Variants in TJP2 observed in about 807,000 individuals in gnomAD.
TJP2 encodes the protein Friedreich ataxia region gene X104 (tight junction protein ZO-2).
Under a neutral mutation model 133.1 loss-of-function variants are expected in TJP2, and 91 were observed. The observed-to-expected ratio is 0.68, with a 90% confidence interval of 0.58 to 0.81. The LOEUF (loss-of-function observed/expected upper bound fraction) is 0.81, where lower values mean the gene tolerates loss of function less well. Ranked by LOEUF, TJP2 falls within the 40% of genes least tolerant of loss-of-function variation. TJP2 has a pLI of 0.00. For synonymous variants in TJP2, 592 were observed against 583.4 expected, an observed-to-expected ratio of 1.01 and a Z score of -0.21; for missense variants, 1,541 against 1,565.6, an observed-to-expected ratio of 0.98 and a Z score of 0.26.
exon 2 of TJP2, chr9:69,151,733 A>G: frequency 8.1e-7 from 1 of 1,232,124 alleles, no homozygotes; most frequent in Non-Finnish European, 1.0e-6. Flanking sequence ...GTACTCCAGG[A>G]AGCACAGAGC....
At chr9:69,150,216 A>C (rs1303494351) in intron 1 of TJP2, among the ~76,000 whole-genome samples, 1 of 152,184 alleles carries the variant, frequency 6.6e-6, no homozygotes, top group African/African-American at 2.4e-5. Flanking sequence ...TTTGGTTTAA[A>C]ATGTTTTCTC....
chr9:69,205,703 G>A (rs1827346512), intron 1 of TJP2, among the ~76,000 whole-genome samples: 2 of 152,340 alleles, frequency 1.3e-5, no homozygotes, highest in South Asian at 2.1e-4. Context: ...TTGAACATGT[G>A]TGAGTGTTTA....
intron 1 of TJP2, among the ~76,000 whole-genome samples, chr9:69,122,488 T>G (rs1310732628): frequency 1.3e-5 from 2 of 152,100 alleles, no homozygotes; most frequent in African/African-American, 4.8e-5. Context: ...ACAAAAAAAT[T>G]TTCACTTTCT....
intron 1 of TJP2, chr9:69,145,581 T>C (rs905019753): frequency 3.9e-6 from 2 of 515,030 alleles, no homozygotes; most frequent in Non-Finnish European, 6.0e-6. Context: ...TTGTGTTTAA[T>C]AGATCTAGCT....
At chr9:69,121,819 G>C (rs1226745575) in intron 1 of TJP2, 3 of 152,464 alleles carry the variant, frequency 2.0e-5, no homozygotes, top group African/African-American at 4.8e-5. Context: ...GTGCCCAGGC[G>C]TCGCCGGGAT....
intron 3 of TJP2, 95 bp from the exon 4 acceptor site, chr9:69,218,162 C>T: frequency 9.6e-7 from 1 of 1,047,080 alleles, no homozygotes; most frequent in South Asian, 1.3e-5. Flanking sequence ...GAAAGCCTTT[C>T]AGGTCTATTT....
At chr9:69,147,552 G>A (rs923251269) in intron 1 of TJP2, among the ~76,000 whole-genome samples, 1 of 152,170 alleles carries the variant, frequency 6.6e-6, no homozygotes, top group Non-Finnish European at 1.5e-5. Context: ...GATGTTCTTA[G>A]TTTCTGCCTC....
chr9:69,178,245 TG>T, intron 1 of TJP2, among the ~76,000 whole-genome samples: 1 of 152,286 alleles, frequency 6.6e-6, no homozygotes, highest in Non-Finnish European at 1.5e-5. Flanking sequence ...GACTTACAGG[TG>T]GTGCAGAGAG....
At chr9:69,219,368 A>G (rs1165191027) in intron 4 of TJP2, among the ~76,000 whole-genome samples, 1 of 152,200 alleles carries the variant, frequency 6.6e-6, no homozygotes, top group Non-Finnish European at 1.5e-5. Flanking sequence ...ATCTTCTAAA[A>G]TATTACTATT....
intron 2 of TJP2, among the ~76,000 whole-genome samples, chr9:69,158,782 C>T (rs944334328): frequency 1.3e-5 from 2 of 152,080 alleles, no homozygotes; most frequent in Non-Finnish European, 2.9e-5. Flanking sequence ...TCCATTTCAT[C>T]TGATAAAATT....
rs1361535532 is a variant in TJP2 at position 69,248,063 on chromosome 9, A to G, written c.2719A>G (p.Met907Val). ...PEDRMSYLTA[M>V]GADYLSCDSR... Reference sequence around the variant, plus strand: ...AGACCGCATGTCCTACTTAACCGCCATGGGCGCGGACTATCTGAGTTGCGA... The same window carrying G: ...AGACCGCATGTCCTACTTAACCGCCGTGGGCGCGGACTATCTGAGTTGCGA... Residue 907 changes from methionine to valine, a missense_variant, in exon 19 of 23, where the codon ATG (methionine) becomes GTG (valine). Transcript: ENST00000377245. The G allele has an allele frequency of 6.2e-7, 1 of 1,614,082 alleles. No homozygotes were observed. Among genetic ancestry groups the G allele is most frequent in the Non-Finnish European group, 8.5e-7 (1 of 1,179,982 alleles).
In TJP2 at chr9:69,251,206, C is replaced by T. The variant is rs1282396752; in HGVS notation, c.3163C>T (p.Pro1055Ser). The change falls in exon 21 of 23, where the codon CCC becomes TCC. Residue 1055 changes from proline to serine, a missense_variant. By Grantham distance (74) the Pro-to-Ser change is moderately conservative. Coordinates refer to ENST00000377245, the MANE Select transcript of TJP2 (RefSeq NM_004817.4). ...FGRSILKPST[P>S]IPPQEGEEVG... ...GCGGTCTATACTGAAGCCCTCCACT[C>T]CCATCCCTCCTCAAGAGGGTGAGGA... 2 of 1,614,040 alleles carry T rather than the reference C, an allele frequency of 1.2e-6. No homozygotes were observed. Among genetic ancestry groups the T allele is most frequent in the Non-Finnish European group, 1.7e-6 (2 of 1,180,034 alleles).
chr9:69,141,568 C>T (rs934253963), intron 1 of TJP2, among the ~76,000 whole-genome samples: 8 of 152,236 alleles, frequency 5.3e-5, no homozygotes, highest in African/African-American at 1.9e-4. Context: ...ATGATATCCA[C>T]CGAATGTATA....
chr9:69,142,179 T>G (rs1823045965), intron 1 of TJP2, among the ~76,000 whole-genome samples: 2 of 152,296 alleles, frequency 1.3e-5, no homozygotes, highest in East Asian at 3.9e-4. Context: ...CATGGGTTAT[T>G]TCCAATAGAT....
Position 69,254,112 on chromosome 9 carries a change from C to T in TJP2, c.3408-97C>T, listed in dbSNP as rs61519675. 3.1e-4 allele frequency: 437 copies of T among 1,396,206 alleles called. 1 individual carries two copies. The African/African-American group carries it at 5.4e-3, about 17-fold the overall frequency. 86.5% of individuals were successfully genotyped at this position (1,396,206 alleles called of 1,614,324 possible). Reference sequence around the variant, plus strand: ...GTGGCTCAGAGGTAAGTGATCTGCTCGGGATACCCAGTCACTGTGCTCAGA... The same window carrying T: ...GTGGCTCAGAGGTAAGTGATCTGCTTGGGATACCCAGTCACTGTGCTCAGA... On this transcript the variant is annotated intron_variant, in intron 22 of 22. Transcript: ENST00000377245.
At chr9:69,235,994 G>A in intron 12 of TJP2, 34 bp from the exon 13 acceptor site, 1 of 1,603,420 alleles carries the variant, frequency 6.2e-7, no homozygotes, top group African/African-American at 1.3e-5. Context: ...CTTGTACTAA[G>A]CTGAATGCAA....
At chr9:69,245,134 G>T (rs1334712942) in intron 17 of TJP2, among the ~76,000 whole-genome samples, 1 of 152,148 alleles carries the variant, frequency 6.6e-6, no homozygotes, top group Non-Finnish European at 1.5e-5. Flanking sequence ...AGAGAAGTCC[G>T]TGGAATCAAA....
At chr9:69,148,361 C>T (rs1358560274) in intron 1 of TJP2, among the ~76,000 whole-genome samples, 2 of 147,300 alleles carry the variant, frequency 1.4e-5, no homozygotes, top group African/African-American at 5.0e-5. Flanking sequence ...TCATGCTTCC[C>T]CCTCTGTAAT....
rs768355462 is a variant in TJP2, at chr9:69,216,323, C to T, written c.115-16C>T. The T allele has an allele frequency of 6.2e-7, 1 of 1,613,938 alleles. No individual in the cohort carries two copies. Among genetic ancestry groups the T allele is most frequent in the African/African-American group, 1.3e-5 (1 of 74,910 alleles). On this transcript the variant is annotated splice_polypyrimidine_tract_variant and intron_variant, in intron 2 of 22. Coordinates refer to ENST00000377245, the MANE Select transcript of TJP2 (RefSeq NM_004817.4). ...TTATTGAAGGATTTTTAATATTTCTCCTCTCTGATGTACAGGATTCCAAAA... is the reference window on the plus strand; with the variant it reads ...TTATTGAAGGATTTTTAATATTTCTTCTCTCTGATGTACAGGATTCCAAAA...
Sources: gnomAD v4.1 joint callset for allele counts (sites outside exome capture counted in the v4.1 genomes callset) on GRCh38, gnomAD v4.1.1 for gene constraint, MANE v1.5 for transcripts, NCBI Gene and HGNC (gene_info 2026-07-23, HGNC 2026-07-21) for gene names.